ACSS1: variants seen among roughly 807,000 people sequenced by gnomAD.
The protein encoded by ACSS1 is acyl-CoA synthetase short chain family member 1.
In ACSS1, 42 loss-of-function variants were observed where a neutral mutation model predicts 75.3. The observed-to-expected ratio is 0.56, with a 90% confidence interval of 0.44 to 0.72. The LOEUF (loss-of-function observed/expected upper bound fraction) is 0.72, where lower values mean the gene tolerates loss of function less well. Ranked by LOEUF, ACSS1 falls within the 30% of genes least tolerant of loss-of-function variation. ACSS1 has a pLI of 0.00. For synonymous variants in ACSS1, 380 were observed against 376.8 expected (o/e 1.01, Z -0.10); for missense variants, 782 against 935.7 (o/e 0.84, Z 2.14).
In ACSS1 at chr20:25,023,548, C is replaced by T; in HGVS notation, c.725G>A (p.Cys242Tyr). 3 of 1,614,174 alleles carry T rather than the reference C, an allele frequency of 1.9e-6. No individual in the cohort carries two copies. The highest frequency in any genetic ancestry group is 2.5e-6 in the Non-Finnish European group (3 of 1,180,034). ...CACCAGGACATGCTGCACGGTGGGG[C>T]AGTGCTTCACAGCCTCATCCACTAT... ...KKIVDEAVKH[C>Y]PTVQHVLVAH... The change falls in exon 4 of 14, where the codon TGC becomes TAC. Residue 242 changes from cysteine to tyrosine, a missense_variant. Around this residue, in one of 2 missense-constraint regions of ACSS1, gnomAD observed 377 missense variants for 383.1 expected, o/e 0.98. Coordinates refer to ENST00000323482, the MANE Select transcript of ACSS1 (RefSeq NM_032501.4).
At chr20:25,039,714 C>G (rs2122720686) in intron 2 of ACSS1, among the ~76,000 whole-genome samples, 1 of 152,376 alleles carries the variant, frequency 6.6e-6, no homozygotes, top group Non-Finnish European at 1.5e-5. Context: ...AGGATGCAGT[C>G]AGCTTCTAAG....
chr20:25,056,086 CAGA>C (rs1426159237), intron 1 of ACSS1, among the ~76,000 whole-genome samples: 1 of 152,222 alleles, frequency 6.6e-6, no homozygotes, highest in Non-Finnish European at 1.5e-5. Context: ...GAAAAGGAGA[CAGA>C]AGAATGCTTG....
chr20:25,019,877 T>C, intron 7 of ACSS1, 133 bp downstream of exon 7: 1 of 1,324,462 alleles, frequency 7.6e-7, no homozygotes, highest in Non-Finnish European at 1.0e-6. Flanking sequence ...TTCTACCAGA[T>C]CCGGTCTGGC....
intron 12 of ACSS1, chr20:25,012,366 T>C: frequency 1.7e-6 from 1 of 576,690 alleles, no homozygotes; most frequent in East Asian, 3.0e-5. Context: ...TCATGGCCAC[T>C]GTGGATGTGT....
intron 7 of ACSS1, among the ~76,000 whole-genome samples, chr20:25,016,071 T>C (rs1393520607): frequency 6.6e-6 from 1 of 152,144 alleles, no homozygotes; most frequent in East Asian, 1.9e-4. Context: ...AAATACAATA[T>C]GGCACGCTCC....
At chr20:25,034,268 G>A (rs140378195) in intron 2 of ACSS1, among the ~76,000 whole-genome samples, 150 of 152,304 alleles carry the variant, frequency 9.8e-4, no homozygotes, top group African/African-American at 3.4e-3. Flanking sequence ...TAGGGAAACA[G>A]TCTACCAAAA....
chr20:25,018,518 C>A (rs2088559683), intron 7 of ACSS1, among the ~76,000 whole-genome samples: 1 of 152,190 alleles, frequency 6.6e-6, no homozygotes, highest in African/African-American at 2.4e-5. Flanking sequence ...GCCCATCAAT[C>A]AGGTGGGGGG....
intron 2 of ACSS1, among the ~76,000 whole-genome samples, chr20:25,035,737 C>T (rs1334628453): frequency 6.6e-6 from 1 of 152,292 alleles, no homozygotes; most frequent in African/African-American, 2.4e-5. Context: ...AGTTTAAACT[C>T]TCATTTTTCA....
At chr20:25,031,025 T>A in intron 2 of ACSS1, 67 bp from the exon 3 acceptor site, 1 of 1,538,886 alleles carries the variant, frequency 6.5e-7, no homozygotes, top group Non-Finnish European at 8.9e-7. Flanking sequence ...AGTTTGGGGG[T>A]GGAGCAATAC....
chr20:25,054,037 C>G (rs938718932), intron 1 of ACSS1, among the ~76,000 whole-genome samples: 4 of 152,364 alleles, frequency 2.6e-5, no homozygotes, highest in South Asian at 2.1e-4. Context: ...CTTTTAGAAC[C>G]TGGCTCTCCA....
intron 2 of ACSS1, among the ~76,000 whole-genome samples, chr20:25,043,270 C>G (rs2089034229): frequency 6.6e-6 from 1 of 152,222 alleles, no homozygotes; most frequent in Non-Finnish European, 1.5e-5. Context: ...GCTTCCTGCT[C>G]CCCCCAAGGG....
chr20:25,017,001 TGA>T (rs771209858), intron 7 of ACSS1, among the ~76,000 whole-genome samples: 3 of 151,474 alleles, frequency 2.0e-5, no homozygotes, highest in African/African-American at 7.3e-5. Flanking sequence ...TCTTTTTTTT[TGA>T]GAGAGAGAGA....
chr20:25,046,990 G>A (rs2122746668), intron 2 of ACSS1: 1 of 769,070 alleles, frequency 1.3e-6, no homozygotes, highest in East Asian at 2.4e-5. Flanking sequence ...GGCTCCTGGG[G>A]GCCGAGGGGA....
Position 25,057,814 on chromosome 20 carries a change from T to G in ACSS1, c.289A>C (p.Thr97Pro). Residue 97 changes from threonine to proline, a missense_variant, in exon 1 of 14, where the codon ACT becomes CCT. By Grantham distance (38) the Thr-to-Pro change is conservative. Transcript: ENST00000323482. ...YHTVWDCDFS[T>P]GKIGWFLGGQ... ...CCCAGGAACCAGCCGATCTTGCCAG[T>G]GCTGAAGTCGCAGTCCCAGACGGTG... 1 of 1,602,946 alleles carries G rather than the reference T, an allele frequency of 6.2e-7. No individual in the cohort carries two copies. The highest frequency in any genetic ancestry group is 8.5e-7 in the Non-Finnish European group (1 of 1,172,322).
chr20:25,007,032 T>A lies in ACSS1; in HGVS notation c.*730A>T, dbSNP rs1321119128. 1 of 1,513,750 alleles carries A rather than the reference T, an allele frequency of 6.6e-7. No homozygotes were observed. Among genetic ancestry groups the A allele is most frequent in the Non-Finnish European group, 8.8e-7 (1 of 1,134,718 alleles). The allele number at this position is 1,513,750 out of a possible 1,614,324, so 93.8% of individuals were successfully genotyped here. On this transcript the variant is annotated 3_prime_UTR_variant, in exon 14 of 14. Transcript: ENST00000323482. ...TAGCTTCAGAACTAAGGCGGCCACATTCACCCCACCGCTTAGGAGTTAGCT... is the reference window on the plus strand; with the variant it reads ...TAGCTTCAGAACTAAGGCGGCCACAATCACCCCACCGCTTAGGAGTTAGCT...
At position 25,009,358 on chromosome 20, in the gene ACSS1, CTA is replaced by C; in HGVS notation, c.1800_1801del (p.Asp600GlufsTer4). 6.2e-7 allele frequency: 1 copy of C among 1,614,176 alleles called. No individual in the cohort carries two copies. Among genetic ancestry groups the C allele is most frequent in the East Asian group, 2.2e-5 (1 of 44,886 alleles). The stretch of plus-strand genomic sequence containing the variant: ...CACCACCACATCTGAGTCACCCGCA[CTA>C]TCTTTCACCACAATGAAGGCAAAGG... On this transcript the variant is annotated frameshift_variant, in exon 13 of 14. Coordinates refer to ENST00000323482, the MANE Select transcript of ACSS1 (RefSeq NM_032501.4). LOFTEE classifies it high-confidence loss of function.
At chr20:25,021,603 T>C in intron 5 of ACSS1, 67 bp from the exon 6 acceptor site, 3 of 1,570,738 alleles carry the variant, frequency 1.9e-6, no homozygotes, top group Non-Finnish European at 2.6e-6. Context: ...ACCAGGTCAC[T>C]AGGAAATAGG....
chr20:25,026,506 G>C (rs2088722101), intron 3 of ACSS1, among the ~76,000 whole-genome samples: 1 of 152,190 alleles, frequency 6.6e-6, no homozygotes, highest in Non-Finnish European at 1.5e-5. Flanking sequence ...AGGCCACGTG[G>C]AGAGAAAGAC....
At chr20:25,031,724 G>A (rs1201464646) in intron 2 of ACSS1, among the ~76,000 whole-genome samples, 1 of 152,116 alleles carries the variant, frequency 6.6e-6, no homozygotes, top group African/African-American at 2.4e-5. Context: ...CCCTCTCCTG[G>A]GATCCGGATG....
Sources: gnomAD v4.1 joint callset for allele counts (sites outside exome capture counted in the v4.1 genomes callset) on GRCh38, gnomAD v4.1.1 for gene constraint, gnomAD v4.1.1 regional missense constraint, MANE v1.5 for transcripts, NCBI Gene and HGNC (gene_info 2026-07-23, HGNC 2026-07-21) for gene names.